The following LRRC7 variants were observed in gnomAD, a reference collection of about 807,000 sequenced individuals.
The protein encoded by LRRC7 is leucine-rich repeat-containing protein 7.
Under a neutral mutation model 175.7 loss-of-function variants are expected in LRRC7, and 23 were observed. The ratio of observed to expected loss-of-function variants is 0.13; its 90% CI spans 0.09 to 0.19. The LOEUF (loss-of-function observed/expected upper bound fraction) is 0.19, where lower values mean the gene tolerates loss of function less well. LRRC7 is among the 10% of genes least tolerant of loss of function. The pLI, the probability that LRRC7 is intolerant of heterozygous loss-of-function variation, is 1.00. For synonymous variants in LRRC7, 685 were observed against 680.9 expected, an observed-to-expected ratio of 1.01 and a Z score of -0.09; for missense variants, 1,354 against 1,904.7, an observed-to-expected ratio of 0.71 and a Z score of 5.38.
rs1030286536 is a variant in LRRC7 at position 70,028,208 on chromosome 1, C to G, written c.1832C>G (p.Pro611Arg). 1 of 1,613,536 alleles carries G rather than the reference C, an allele frequency of 6.2e-7. No homozygotes were observed. Residue 611 changes from proline to arginine, a missense_variant, in exon 18 of 27, where the codon CCA becomes CGA. This residue lies in a region of LRRC7 where 1,032 missense variants were observed against 1,227.2 expected (regional missense o/e 0.84). Transcript: ENST00000651989. ...CTAAAACGATATCCAACTCCTTACC[C>G]AGAGGATTTAAAGAATATGGTAAAA... ...INLKRYPTPY[P>R]EDLKNMVKSV...
At chr1:69,944,330 T>C (rs1049558153) in intron 8 of LRRC7, among the ~76,000 whole-genome samples, 2 of 152,138 alleles carry the variant, frequency 1.3e-5, no homozygotes, top group African/African-American at 4.8e-5. Context: ...CCAAATCATA[T>C]TTCATTACAT....
rs1294137696 is a variant in LRRC7, at chr1:70,137,577, G to A, written c.*15690G>A. Among the ~76,000 whole-genome samples the A allele has an allele frequency of 6.6e-6, 1 of 152,182 alleles. No individual in the cohort carries two copies. Among genetic ancestry groups the A allele is most frequent in the Admixed American group, 6.5e-5 (1 of 15,276 alleles). Reference sequence around the variant, plus strand: ...CCACTGGGGGTTGCTTTGTGTTTAAGTACCTAATAGACCCACCAGAGTTCA... The same window carrying A: ...CCACTGGGGGTTGCTTTGTGTTTAAATACCTAATAGACCCACCAGAGTTCA... On this transcript the variant is annotated 3_prime_UTR_variant, in exon 27 of 27. Transcript: ENST00000651989.
At chr1:69,995,481 C>A (rs1018567805) in intron 11 of LRRC7, among the ~76,000 whole-genome samples, 1 of 151,628 alleles carries the variant, frequency 6.6e-6, no homozygotes, top group African/African-American at 2.4e-5. Flanking sequence ...TATACATGTG[C>A]CATGCTGGTG....
intron 2 of LRRC7, among the ~76,000 whole-genome samples, chr1:69,748,465 A>G (rs1669490007): frequency 6.6e-6 from 1 of 152,188 alleles, no homozygotes; most frequent in Admixed American, 6.5e-5. Flanking sequence ...AATCTCTGGA[A>G]GAAGCTGTGG....
At chr1:69,769,879 AG>A (rs1672031288) in intron 3 of LRRC7, among the ~76,000 whole-genome samples, 1 of 152,142 alleles carries the variant, frequency 6.6e-6, no homozygotes, top group African/African-American at 2.4e-5. Flanking sequence ...TGTGTCAGTT[AG>A]TTTTTTTTTA....
rs541293193 is a variant in LRRC7, at chr1:69,895,994, T to C, written c.648-35513T>C. ...TACAACGTGAGGCAAAATTACTCTA[T>C]GGTATTAGAAATTACAATACTGGTT... On this transcript the variant is annotated intron_variant, in intron 7 of 26. Transcript: ENST00000651989. 2.0e-5 allele frequency among the ~76,000 whole-genome samples: 3 copies of C among 152,334 alleles called. No homozygotes were observed. In the South Asian group the frequency reaches 6.2e-4, roughly 32 times the overall value.
intron 7 of LRRC7, among the ~76,000 whole-genome samples, chr1:69,840,550 G>A (rs1681608422): frequency 1.3e-5 from 2 of 151,984 alleles, no homozygotes. Context: ...AAATGTGATT[G>A]TGTGCAAGAA....
rs77994260 is a variant in LRRC7, at chr1:69,636,880, G to T, written c.3-41501G>T. Among the ~76,000 whole-genome samples the T allele has an allele frequency of 3.8e-3, 579 of 152,006 alleles. 5 individuals are homozygous for T. The highest frequency in any genetic ancestry group is 0.013 in the African/African-American group (550 of 41,504). On this transcript the variant is annotated intron_variant, in intron 1 of 26. Coordinates refer to ENST00000651989, the MANE Select transcript of LRRC7 (RefSeq NM_001370785.2). ...TTGGAAACTTATATTGATCATAAAA[G>T]ATATAAATATTTATATCTGACTGGA...
chr1:69,869,867 A>G (rs1236306464), intron 7 of LRRC7, among the ~76,000 whole-genome samples: 1 of 152,206 alleles, frequency 6.6e-6, no homozygotes, highest in Non-Finnish European at 1.5e-5. Context: ...TTAGGCTTTC[A>G]TGTGCTAGCC....
At chr1:69,757,580 G>A (rs1206028443) in intron 2 of LRRC7, among the ~76,000 whole-genome samples, 1 of 152,050 alleles carries the variant, frequency 6.6e-6, no homozygotes, top group South Asian at 2.1e-4. Flanking sequence ...TAAGGAATGG[G>A]AAAGTGCCTA....
chr1:69,845,329 A>G (rs1557802269), intron 7 of LRRC7, among the ~76,000 whole-genome samples: 1 of 152,138 alleles, frequency 6.6e-6, no homozygotes, highest in Non-Finnish European at 1.5e-5. Context: ...TGTGACTAAT[A>G]TATGCACTGT....
In LRRC7 at chr1:70,046,375, A is replaced by G. The variant is rs190208868; in HGVS notation, c.4110+2281A>G. The stretch of plus-strand genomic sequence containing the variant: ...ACAGAGTTATATTTGGGGACTTTCA[A>G]TAGTCCTCAGTTGAGCACAGAGATG... On this transcript the variant is annotated intron_variant, in intron 22 of 26. Coordinates refer to ENST00000651989, the MANE Select transcript of LRRC7 (RefSeq NM_001370785.2). Among the ~76,000 whole-genome samples, 34 of 152,232 alleles carry G rather than the reference A, an allele frequency of 2.2e-4. 1 individual carries two copies. The highest frequency in any genetic ancestry group is 2.9e-4 in the African/African-American group (12 of 41,554).
intron 7 of LRRC7, among the ~76,000 whole-genome samples, chr1:69,921,426 T>TA (rs1646884948): frequency 6.6e-6 from 1 of 152,166 alleles, no homozygotes; most frequent in African/African-American, 2.4e-5. Context: ...TACAATCCAT[T>TA]ACATTCAACC....
chr1:69,954,505 G>T (rs937456832), intron 8 of LRRC7, among the ~76,000 whole-genome samples: 1 of 151,924 alleles, frequency 6.6e-6, no homozygotes, highest in African/African-American at 2.4e-5. Context: ...ATTTAGTATA[G>T]AATTAACTTG....
intron 1 of LRRC7, among the ~76,000 whole-genome samples, chr1:69,631,778 G>A (rs1652544045): frequency 6.6e-6 from 1 of 152,028 alleles, no homozygotes; most frequent in Admixed American, 6.6e-5. Flanking sequence ...CTCTACCTTT[G>A]GATCTTACTA....
chr1:69,608,178 T>C (rs1647949101), intron 1 of LRRC7: 1 of 152,424 alleles, frequency 6.6e-6, no homozygotes, highest in Non-Finnish European at 1.5e-5. Context: ...GTGTCGGTGA[T>C]TATTTAGCAT....
intron 1 of LRRC7, among the ~76,000 whole-genome samples, chr1:69,601,098 G>A (rs574786386): frequency 6.6e-6 from 1 of 152,266 alleles, no homozygotes; most frequent in East Asian, 1.9e-4. Flanking sequence ...TTACAGGCAT[G>A]AGCCACCGTG....
chr1:70,045,188 C>G (rs1436356125), intron 22 of LRRC7, among the ~76,000 whole-genome samples: 1 of 151,710 alleles, frequency 6.6e-6, no homozygotes, highest in Non-Finnish European at 1.5e-5. Flanking sequence ...AAAAAAAACA[C>G]TAAATTGAAA....
rs191555791 is a variant in LRRC7 at position 69,876,477 on chromosome 1, C to G, written c.647+38194C>G. 5.5e-4 allele frequency among the ~76,000 whole-genome samples: 83 copies of G among 152,196 alleles called. 2 individuals carry two copies. Among genetic ancestry groups the G allele is most frequent in the African/African-American group, 1.8e-3 (76 of 41,552 alleles). On this transcript the variant is annotated intron_variant, in intron 7 of 26. Transcript: ENST00000651989. The stretch of plus-strand genomic sequence containing the variant: ...TATTACCAGGGCAAAAATATAGCAT[C>G]TGGAGGTCTAGTAGAGTAAAAATAA...
Sources: allele counts gnomAD v4.1 joint callset (sites outside exome capture counted in the v4.1 genomes callset), GRCh38; gene constraint gnomAD v4.1.1; regional missense constraint gnomAD v4.1.1; transcripts MANE v1.5; gene names NCBI Gene and HGNC (gene_info 2026-07-23, HGNC 2026-07-21).